Variants in DIP2B observed in about 807,000 individuals in gnomAD.
The protein encoded by DIP2B is disco-interacting protein 2 homolog B.
In DIP2B, 76 loss-of-function variants were observed where a neutral mutation model predicts 198.0. That is an observed-to-expected ratio of 0.38 (90% confidence interval 0.32 to 0.46). DIP2B has a LOEUF of 0.46. DIP2B is among the 20% of genes least tolerant of loss of function. DIP2B has a pLI of 0.99. For missense variants in DIP2B, 1,559 were observed against 1,978.4 expected, an observed-to-expected ratio of 0.79 and a Z score of 4.02; for synonymous variants, 701 against 739.1, an observed-to-expected ratio of 0.95 and a Z score of 0.84.
At chr12:50,714,097 A>G (rs1332512866) in intron 22 of DIP2B, among the ~76,000 whole-genome samples, 1 of 152,342 alleles carries the variant, frequency 6.6e-6, no homozygotes, top group East Asian at 1.9e-4. Context: ...CCCTGTCTCT[A>G]AAAAGAATAA....
At chr12:50,574,429 A>C (rs1428701756) in intron 1 of DIP2B, among the ~76,000 whole-genome samples, 2 of 152,232 alleles carry the variant, frequency 1.3e-5, no homozygotes, top group African/African-American at 2.4e-5. Flanking sequence ...TGGTTTGCTA[A>C]GTGAATTCCA....
intron 1 of DIP2B, among the ~76,000 whole-genome samples, chr12:50,570,090 G>GACACAGCAA (rs1958600038): frequency 1.3e-5 from 2 of 152,154 alleles, no homozygotes; most frequent in Admixed American, 1.3e-4. Context: ...GCTGTGTCAT[G>GACACAGCAA]ATTGCTTTAT....
chr12:50,634,363 C>T (rs1253584107), intron 2 of DIP2B, among the ~76,000 whole-genome samples: 1 of 152,168 alleles, frequency 6.6e-6, no homozygotes, highest in African/African-American at 2.4e-5. Flanking sequence ...GTCCTGTGGT[C>T]TAATCTTTAA....
chr12:50,530,319 A>T (rs1958205058), intron 1 of DIP2B, among the ~76,000 whole-genome samples: 1 of 152,138 alleles, frequency 6.6e-6, no homozygotes, highest in Admixed American at 6.5e-5. Flanking sequence ...TGACCTCATG[A>T]TCTGCCCGCC....
At chr12:50,739,685 G>C (rs1940205553) in intron 36 of DIP2B, 99 bp downstream of exon 36, 1 of 1,420,096 alleles carries the variant, frequency 7.0e-7, no homozygotes, top group Non-Finnish European at 9.7e-7. Flanking sequence ...TGTCTATTTA[G>C]TTACTCCCTT....
chr12:50,589,447 G>C (rs1958800456), intron 1 of DIP2B, among the ~76,000 whole-genome samples: 1 of 151,854 alleles, frequency 6.6e-6, no homozygotes, highest in Admixed American at 6.6e-5. Context: ...CCAAAGTGCT[G>C]GGGTTTCAGA....
chr12:50,721,478 T>C (rs2139586742), intron 26 of DIP2B, 82 bp downstream of exon 26: 1 of 1,573,084 alleles, frequency 6.4e-7, no homozygotes, highest in Non-Finnish European at 8.6e-7. Context: ...CACTCAGAGC[T>C]ACTCTCTATG....
intron 1 of DIP2B, among the ~76,000 whole-genome samples, chr12:50,573,424 G>A (rs1412456597): frequency 6.6e-6 from 1 of 152,132 alleles, no homozygotes; most frequent in Non-Finnish European, 1.5e-5. Context: ...GGCCTACCCT[G>A]GTCTGTAGCC....
chr12:50,641,788 G>A (rs1403481753), intron 3 of DIP2B, among the ~76,000 whole-genome samples: 1 of 152,010 alleles, frequency 6.6e-6, no homozygotes, highest in Non-Finnish European at 1.5e-5. Context: ...AGCACGTGTG[G>A]TGCAGCAGGC....
chr12:50,660,278 C>T lies in DIP2B; in HGVS notation c.386C>T (p.Ser129Phe). ...MALPMPTKRR[S>F]TFVQSPADAC... ...TTGCCCATGCCAACCAAAAGGCGAT[C>T]CACATTTGTTCAGTCTCCTGCAGAT... Residue 129 changes from serine (S) to phenylalanine (F), a missense_variant, in exon 4 of 38, where the codon TCC becomes TTC. Coordinates refer to ENST00000301180, the MANE Select transcript of DIP2B (RefSeq NM_173602.3). The T allele has an allele frequency of 6.2e-7, 1 of 1,612,850 alleles. No homozygotes were observed. Among genetic ancestry groups the T allele is most frequent in the Non-Finnish European group, 8.5e-7 (1 of 1,179,432 alleles).
intron 1 of DIP2B, among the ~76,000 whole-genome samples, chr12:50,557,430 G>A (rs1469725771): frequency 6.6e-6 from 1 of 152,130 alleles, no homozygotes; most frequent in Non-Finnish European, 1.5e-5. Context: ...TCCACTTTGG[G>A]GCGGGCACCA....
intron 1 of DIP2B, among the ~76,000 whole-genome samples, chr12:50,537,114 ATTTTTTTTTT>A (rs34202995): frequency 2.2e-4 from 7 of 32,236 alleles, no homozygotes; most frequent in East Asian, 2.1e-3. Context: ...TTATTCTCTA[ATTTTTTTTTT>A]TTTTTTTTTT....
rs1277508945 is a variant in DIP2B, at chr12:50,505,248, C to T, written c.100+8C>T. 1 of 1,502,120 alleles carries T rather than the reference C, an allele frequency of 6.7e-7. No individual in the cohort carries two copies. The highest frequency in any genetic ancestry group is 8.8e-7 in the Non-Finnish European group (1 of 1,132,240). The allele number at this position is 1,502,120 out of a possible 1,614,324, so 93.0% of individuals were successfully genotyped here. ...AGCTGGAGCTCTCGGAGGGTAGGAG[C>T]CGGGCCGGGGAGAGGGCGCCCGGGG... is the stretch of plus-strand genomic sequence containing the variant. On this transcript the variant is annotated splice_region_variant and intron_variant, in intron 1 of 37. Transcript: ENST00000301180.
At chr12:50,732,669 TA>T in intron 32 of DIP2B, 133 bp downstream of exon 32, 1 of 1,089,886 alleles carries the variant, frequency 9.2e-7, no homozygotes. Flanking sequence ...TTCGGGCTTT[TA>T]AATCTCGATT....
chr12:50,710,763 C>T (rs545210210), intron 22 of DIP2B, among the ~76,000 whole-genome samples: 8 of 152,162 alleles, frequency 5.3e-5, no homozygotes, highest in Non-Finnish European at 1.0e-4. Context: ...TCCTCAGGGT[C>T]TGTAATTCTG....
At chr12:50,728,406 T>C in intron 29 of DIP2B, 142 bp from the exon 30 acceptor site, 1 of 993,804 alleles carries the variant, frequency 1.0e-6, no homozygotes, top group Non-Finnish European at 1.4e-6. Flanking sequence ...TAATGGAGTC[T>C]TAGATTAGGC....
At chr12:50,538,069 G>GCT (rs1958286134) in intron 1 of DIP2B, among the ~76,000 whole-genome samples, 1 of 152,132 alleles carries the variant, frequency 6.6e-6, no homozygotes, top group Non-Finnish European at 1.5e-5. Flanking sequence ...AGATACCGAG[G>GCT]AGTCTTCATA....
intron 4 of DIP2B, 60 bp from the exon 5 acceptor site, chr12:50,671,126 A>G: frequency 6.5e-7 from 1 of 1,535,320 alleles, no homozygotes; most frequent in South Asian, 1.1e-5. Context: ...AATGAGCAAG[A>G]ACTGAAAAGT....
intron 22 of DIP2B, among the ~76,000 whole-genome samples, chr12:50,713,422 T>C (rs1939655515): frequency 6.6e-6 from 1 of 152,262 alleles, no homozygotes; most frequent in African/African-American, 2.4e-5. Flanking sequence ...CATTTGTATT[T>C]TGTCAGTTAA....
Sources: gnomAD v4.1 joint callset for allele counts (sites outside exome capture counted in the v4.1 genomes callset) on GRCh38, gnomAD v4.1.1 for gene constraint, MANE v1.5 for transcripts, NCBI Gene and HGNC (gene_info 2026-07-23, HGNC 2026-07-21) for gene names.